Variants in PPL observed in about 807,000 individuals in gnomAD.
PPL encodes 190 kDa paraneoplastic pemphigus antigen.
PPL carries 198 observed loss-of-function variants against 194.4 expected under a neutral mutation model. That is an observed-to-expected ratio of 1.02 (90% CI 0.91 to 1.15). PPL has a LOEUF of 1.15. PPL is among the 50% of genes most tolerant of loss of function. PPL has a pLI of 0.00. For missense variants in PPL, 2,885 were observed against 2,294.8 expected, an observed-to-expected ratio of 1.26 and a Z score of -5.25; for synonymous variants, 1,220 against 972.4, an observed-to-expected ratio of 1.25 and a Z score of -4.74.
chr16:4,902,043 G>C lies in PPL; in HGVS notation c.438+363C>G, dbSNP rs1436109806. Among the ~76,000 whole-genome samples, 2 of 152,234 alleles carry C rather than the reference G, an allele frequency of 1.3e-5. No homozygotes were observed. Among genetic ancestry groups the C allele is most frequent in the Non-Finnish European group, 2.9e-5 (2 of 68,048 alleles). ...TGCAGTGGCTGTGTGCTTCTCTGTG[G>C]TGAGCACCCAGGAAAGGGAGCGACA... On this transcript the variant is annotated intron_variant, in intron 4 of 21. Coordinates refer to ENST00000345988, the MANE Select transcript of PPL (RefSeq NM_002705.5). This position sits in a 1 kb window ranked among gnomAD's most constrained non-coding sequence, Gnocchi z 4.0.
intron 2 of PPL, 44 bp downstream of exon 2, chr16:4,910,806 G>C: frequency 6.6e-7 from 1 of 1,519,110 alleles, no homozygotes; most frequent in Middle Eastern, 1.7e-4. Context: ...AACAGGGCTG[G>C]CAGCACGGGG....
chr16:4,893,759 C>T (rs1029496750), intron 12 of PPL, 121 bp from the exon 13 acceptor site: 67 of 761,878 alleles, frequency 8.8e-5, no homozygotes, highest in South Asian at 4.4e-4. Flanking sequence ...TCCTTAGATG[C>T]GGACAGCAAG....
chr16:4,895,720 G>C lies in PPL; in HGVS notation c.973-4C>G. 2 of 1,613,812 alleles carry C rather than the reference G, an allele frequency of 1.2e-6. No homozygotes were observed. Among genetic ancestry groups the C allele is most frequent in the Non-Finnish European group, 1.7e-6 (2 of 1,180,012 alleles). On this transcript the variant is annotated splice_region_variant and splice_polypyrimidine_tract_variant and intron_variant, in intron 9 of 21. Transcript: ENST00000345988. ...CGTCCTTCACGTCTTCGTGAAACTA[G>C]GGGAGAAGGTGGCTCTGTTACAGCC...
chr16:4,918,292 C>CAAA (rs145927654), intron 1 of PPL, among the ~76,000 whole-genome samples: 4 of 138,452 alleles, frequency 2.9e-5, no homozygotes, highest in South Asian at 2.3e-4. Flanking sequence ...GACTCCATTT[C>CAAA]AAAAAAAAAA....
chr16:4,907,195 G>T (rs2088705280), intron 2 of PPL, among the ~76,000 whole-genome samples: 1 of 151,828 alleles, frequency 6.6e-6, no homozygotes, highest in African/African-American at 2.4e-5. Context: ...CCAGGAGGTT[G>T]AGGCTTCAGT....
At chr16:4,886,751 T>G (rs2088226207) in intron 21 of PPL, among the ~76,000 whole-genome samples, 1 of 152,190 alleles carries the variant, frequency 6.6e-6, no homozygotes, top group Non-Finnish European at 1.5e-5. Flanking sequence ...CCTGAGTAGC[T>G]GGGATTACAA....
In PPL at chr16:4,882,901, G is replaced by A. The variant is rs186790318; in HGVS notation, c.*483C>T. 815 of 176,618 alleles carry A rather than the reference G, an allele frequency of 4.6e-3. 7 individuals carry two copies. Among genetic ancestry groups the A allele is most frequent in the Middle Eastern group, 0.013 (5 of 396 alleles). The allele number at this position is 176,618 out of a possible 1,614,324, so 10.9% of individuals were successfully genotyped here. On this transcript the variant is annotated 3_prime_UTR_variant, in exon 22 of 22. Transcript: ENST00000345988. ...AGAGTAACTACTGAGGAGGCTTCTC[G>A]GATGGAAAGTTGGTTTTAAGCCAGA...
Position 4,910,930 on chromosome 16 carries a change from A to C in PPL, c.82T>G (p.Ser28Ala), listed in dbSNP as rs2088807602. 1 of 1,612,958 alleles carries C rather than the reference A, an allele frequency of 6.2e-7. No homozygotes were observed. Among genetic ancestry groups the C allele is most frequent in the Non-Finnish European group, 8.5e-7 (1 of 1,179,974 alleles). The change falls in exon 2 of 22, where the codon TCG becomes GCG. Residue 28 changes from serine (S) to alanine (A), a missense_variant. Ser to Ala is a moderately conservative substitution (Grantham distance 99). Coordinates refer to ENST00000345988, the MANE Select transcript of PPL (RefSeq NM_002705.5). The part of the protein sequence containing the change: ...QTRSISNKEL[S>A]ELIEQLQKNA... The stretch of plus-strand genomic sequence containing the variant: ...TTCTGCAGCTGCTCGATCAGCTCCG[A>C]GAGCTCCTTGTTAGAGATGCTGCGG...
In PPL at chr16:4,889,241, G is replaced by GGTTTTTTTTTTTT. The variant is rs1442783436; in HGVS notation, c.2314-181_2314-180insAAAAAAAAAAAAC. 2.1e-3 allele frequency among the ~76,000 whole-genome samples: 142 copies of GGTTTTTTTTTTTT among 66,636 alleles called. 15 individuals carry two copies. The highest frequency in any genetic ancestry group is 3.3e-3 in the East Asian group (7 of 2,100). The allele number at this position is 66,636 out of a possible 152,430, so 43.7% of individuals were successfully genotyped here. Reference sequence around the variant, plus strand: ...AAAAGGCAGTTTTTTTGTTGTTGTTGTTTTTTTTTTTTTTTTTTTTTTTTT... The same window carrying GGTTTTTTTTTTTT: ...AAAAGGCAGTTTTTTTGTTGTTGTTGGTTTTTTTTTTTTTTTTTTTTTTTTTTTTTTTTTTTTT... On this transcript the variant is annotated intron_variant, in intron 18 of 21. Coordinates refer to ENST00000345988, the MANE Select transcript of PPL (RefSeq NM_002705.5).
At chr16:4,898,496 A>C (rs1350368055) in intron 8 of PPL, among the ~76,000 whole-genome samples, 2 of 152,286 alleles carry the variant, frequency 1.3e-5, no homozygotes, top group African/African-American at 2.4e-5. Flanking sequence ...AAATCCACTG[A>C]CTGATATCCT....
rs1219058432 is a variant in PPL at position 4,884,341 on chromosome 16, A to T, written c.4314T>A (p.Arg1438=). The change falls in exon 22 of 22, where the codon CGT becomes CGA. Residue 1438 remains arginine (R), a synonymous_variant. Coordinates refer to ENST00000345988, the MANE Select transcript of PPL (RefSeq NM_002705.5). This position sits in a 1 kb window ranked among gnomAD's most constrained non-coding sequence, Gnocchi z 5.7. ...AALEQEEAEA[R]EKVTHTQKVV... ...CCTTCTGCGTATGGGTTACCTTCTC[A>T]CGGGCCTCAGCTTCTTCCTGCTCCA... 14 of 1,612,086 alleles carry T rather than the reference A, an allele frequency of 8.7e-6. No individual in the cohort carries two copies. Among genetic ancestry groups the T allele is most frequent in the Non-Finnish European group, 1.2e-5 (14 of 1,179,600 alleles).
intron 2 of PPL, among the ~76,000 whole-genome samples, chr16:4,905,769 G>A (rs1334239681): frequency 6.6e-6 from 1 of 152,254 alleles, no homozygotes; most frequent in East Asian, 1.9e-4. Context: ...GGGTGAACAG[G>A]CCTGACTCCC....
chr16:4,893,065 G>A, intron 14 of PPL, 148 bp downstream of exon 14: 1 of 1,056,768 alleles, frequency 9.5e-7, no homozygotes, highest in Non-Finnish European at 1.3e-6. Context: ...TCCATGACTT[G>A]GGACCCTTTT....
At chr16:4,904,928 G>T (rs370759327) in intron 2 of PPL, among the ~76,000 whole-genome samples, 184 of 152,302 alleles carry the variant, frequency 1.2e-3, no homozygotes, top group African/African-American at 4.2e-3. Flanking sequence ...ATGAGTACAG[G>T]GCTTCTGTTC....
At chr16:4,933,114 G>A in intron 1 of PPL, among the ~76,000 whole-genome samples, 1 of 151,806 alleles carries the variant, frequency 6.6e-6, no homozygotes, top group East Asian at 1.9e-4. Flanking sequence ...GGATTCTCCT[G>A]CTTCAGCCTC....
At position 4,902,149 on chromosome 16, in the gene PPL, G is replaced by C. The variant is rs973150387; in HGVS notation, c.438+257C>G. On this transcript the variant is annotated intron_variant, in intron 4 of 21. Transcript: ENST00000345988. This position sits in a 1 kb window ranked among gnomAD's most constrained non-coding sequence, Gnocchi z 4.0. ...CCAACATGCCAGGGTTGGAAAGTGG[G>C]ACCCAGGAGCAGCAGCGAGGTGTGG... Among the ~76,000 whole-genome samples, 1 of 152,140 alleles carries C rather than the reference G, an allele frequency of 6.6e-6. No homozygotes were observed. Among genetic ancestry groups the C allele is most frequent in the Non-Finnish European group, 1.5e-5 (1 of 68,032 alleles).
chr16:4,924,907 C>G (rs1229812680), intron 1 of PPL, among the ~76,000 whole-genome samples: 2 of 152,236 alleles, frequency 1.3e-5, no homozygotes, highest in African/African-American at 4.8e-5. Flanking sequence ...ACCTCCACCC[C>G]AGCTGTCCCT....
At position 4,884,930 on chromosome 16, in the gene PPL, G is replaced by A. The variant is rs1385106169; in HGVS notation, c.3725C>T (p.Pro1242Leu). Residue 1242 changes from proline (P) to leucine (L), a missense_variant, in exon 22 of 22, where the codon CCT becomes CTT. Pro to Leu is a moderately conservative substitution (Grantham distance 98). Transcript: ENST00000345988. The surrounding 1 kb of genome is among the most constrained non-coding windows in gnomAD (Gnocchi z 5.7). ...TKEVIKYKTDPEMEKELQRLR... is the reference protein window; with the variant it reads ...TKEVIKYKTDLEMEKELQRLR... ...CCGCTGAAGCTCCTTCTCCATCTCAGGGTCAGTCTTGTACTTAATGACTTC... is the reference window on the plus strand; with the variant it reads ...CCGCTGAAGCTCCTTCTCCATCTCAAGGTCAGTCTTGTACTTAATGACTTC... The A allele has an allele frequency of 1.9e-6, 3 of 1,613,996 alleles. No individual in the cohort carries two copies. The highest frequency in any genetic ancestry group is 1.1e-5 in the South Asian group (1 of 91,092).
chr16:4,887,589 C>A (rs1350173421), intron 20 of PPL, among the ~76,000 whole-genome samples: 1 of 152,186 alleles, frequency 6.6e-6, no homozygotes, highest in South Asian at 2.1e-4. Context: ...CCTGACACTT[C>A]TGTTCAGCTG....
Sources: allele counts gnomAD v4.1 joint callset (sites outside exome capture counted in the v4.1 genomes callset), GRCh38; gene constraint gnomAD v4.1.1; non-coding constraint Gnocchi (gnomAD v3.1); transcripts MANE v1.5; gene names NCBI Gene and HGNC (gene_info 2026-07-23, HGNC 2026-07-21).